SMPD3: variants seen among roughly 807,000 people sequenced by gnomAD.
The protein encoded by SMPD3 is sphingomyelin phosphodiesterase 3.
Under a neutral mutation model 55.7 loss-of-function variants are expected in SMPD3, and 21 were observed. That is an observed-to-expected ratio of 0.38 (90% CI 0.27 to 0.54). SMPD3 has a LOEUF of 0.54. Ranked by LOEUF, SMPD3 falls within the 20% of genes least tolerant of loss-of-function variation. The pLI is 0.80. For synonymous variants in SMPD3, 457 were observed against 404.3 expected, an observed-to-expected ratio of 1.13 and a Z score of -1.56; for missense variants, 842 against 899.6, an observed-to-expected ratio of 0.94 and a Z score of 0.82.
rs1343692956 is a variant in SMPD3 at position 68,404,406 on chromosome 16, G to C, written c.-268-17747C>G. Among the ~76,000 whole-genome samples the C allele has an allele frequency of 6.6e-6, 1 of 151,868 alleles. No individual in the cohort carries two copies. The highest frequency in any genetic ancestry group is 1.5e-5 in the Non-Finnish European group (1 of 67,942). On this transcript the variant is annotated intron_variant, in intron 1 of 8. Transcript: ENST00000219334. This position sits in a 1 kb window ranked among gnomAD's most constrained non-coding sequence, Gnocchi z 4.0. ...TGAGCCACCATGACAGGGTTTCATC[G>C]TGTTGCCCAGGCTGGTCCTGAACTC...
Position 68,444,835 on chromosome 16 carries a change from C to T in SMPD3, c.-269+3518G>A, listed in dbSNP as rs547113987. Among the ~76,000 whole-genome samples, 58 of 152,360 alleles carry T rather than the reference C, an allele frequency of 3.8e-4. 1 individual carries two copies. The highest frequency in any genetic ancestry group is 1.5e-5 in the Non-Finnish European group (1 of 68,038). On this transcript the variant is annotated intron_variant, in intron 1 of 8. Coordinates refer to ENST00000219334, the MANE Select transcript of SMPD3 (RefSeq NM_018667.4). ...CAGAATACAACACACCATATGCAGTCACCTTCCAAACAGGCAAGGAAGAGA... is the reference window on the plus strand; with the variant it reads ...CAGAATACAACACACCATATGCAGTTACCTTCCAAACAGGCAAGGAAGAGA...
chr16:68,406,730 T>C (rs2090257378), intron 1 of SMPD3, among the ~76,000 whole-genome samples: 1 of 152,228 alleles, frequency 6.6e-6, no homozygotes, highest in African/African-American at 2.4e-5. Flanking sequence ...TTATTGTTCA[T>C]TTTATTTGAG....
At chr16:68,374,533 C>T (rs536030899) in intron 2 of SMPD3, among the ~76,000 whole-genome samples, 21 of 152,360 alleles carry the variant, frequency 1.4e-4, no homozygotes, top group Middle Eastern at 6.8e-3. Context: ...TCTCACTCTG[C>T]GGCCAGTGCT....
At chr16:68,438,657 AC>A (rs1290196007) in intron 1 of SMPD3, among the ~76,000 whole-genome samples, 30 of 151,748 alleles carry the variant, frequency 2.0e-4, no homozygotes, top group African/African-American at 7.0e-4. Flanking sequence ...TGTCATTCCT[AC>A]CCCTGTTCAT....
chr16:68,365,897 A>T (rs2089464997), intron 3 of SMPD3, among the ~76,000 whole-genome samples: 1 of 152,094 alleles, frequency 6.6e-6, no homozygotes, highest in Admixed American at 6.5e-5. Flanking sequence ...GCCCTACCCC[A>T]GGTGGGGGCA....
chr16:68,378,118 C>T (rs927361082), intron 2 of SMPD3, among the ~76,000 whole-genome samples: 10 of 152,296 alleles, frequency 6.6e-5, no homozygotes, highest in African/African-American at 1.7e-4. Context: ...GAGTCCCTGC[C>T]GTGTCCACAA....
intron 1 of SMPD3, among the ~76,000 whole-genome samples, chr16:68,393,801 T>C (rs2090132679): frequency 6.6e-6 from 1 of 152,030 alleles, no homozygotes; most frequent in Non-Finnish European, 1.5e-5. Context: ...TTTAAAAAAG[T>C]ACAATTGTGC....
At chr16:68,364,968 AG>A in intron 4 of SMPD3, 48 bp downstream of exon 4, 1 of 1,613,884 alleles carries the variant, frequency 6.2e-7, no homozygotes, top group African/African-American at 1.3e-5. Context: ...GCTAGGCCCC[AG>A]GCACTGATCC....
chr16:68,370,772 A>G (rs1367820422), intron 3 of SMPD3, 87 bp downstream of exon 3: 1 of 1,533,644 alleles, frequency 6.5e-7, no homozygotes, highest in Non-Finnish European at 8.8e-7. Flanking sequence ...CCCCATGACG[A>G]TGAGGACTCC....
chr16:68,379,974 G>T (rs1047741621), intron 2 of SMPD3, among the ~76,000 whole-genome samples: 3 of 152,268 alleles, frequency 2.0e-5, no homozygotes, highest in Non-Finnish European at 4.4e-5. Flanking sequence ...GGACCCCTGG[G>T]TCCAGGCCCT....
In SMPD3 at chr16:68,360,861, C is replaced by T. The variant is rs987880203; in HGVS notation, c.*345G>A. ...TTGGCAGCAGACAAAAATAAAGAAC[C>T]CTGGACGAAGCTTAAGAGGAGATAC... On this transcript the variant is annotated 3_prime_UTR_variant, in exon 9 of 9. Coordinates refer to ENST00000219334, the MANE Select transcript of SMPD3 (RefSeq NM_018667.4). 4.1e-6 allele frequency: 1 copy of T among 245,222 alleles called. No homozygotes were observed. Among genetic ancestry groups the T allele is most frequent in the Non-Finnish European group, 7.9e-6 (1 of 125,880 alleles). 15.2% of individuals were successfully genotyped at this position (245,222 alleles called of 1,614,324 possible). A position where few individuals can be genotyped will look rare whatever the true frequency, so the allele number is the denominator to read the frequency against.
intron 1 of SMPD3, among the ~76,000 whole-genome samples, chr16:68,405,583 T>C (rs1042275363): frequency 1.6e-5 from 2 of 123,214 alleles, no homozygotes; most frequent in African/African-American, 6.1e-5. Flanking sequence ...GAAAAGAAAA[T>C]ACAAAAAGAG....
At chr16:68,442,809 C>T (rs181143116) in intron 1 of SMPD3, among the ~76,000 whole-genome samples, 2 of 152,324 alleles carry the variant, frequency 1.3e-5, no homozygotes, top group Admixed American at 6.5e-5. Flanking sequence ...ACAATCAAAT[C>T]TGTCTGCAGT....
At chr16:68,370,724 G>C (rs1387385039) in intron 3 of SMPD3, 135 bp downstream of exon 3, 2 of 1,186,552 alleles carry the variant, frequency 1.7e-6, no homozygotes, top group Non-Finnish European at 2.3e-6. Context: ...CTCCAGGAAA[G>C]ACCGCGTCTG....
chr16:68,384,334 T>C (rs1359859332), intron 2 of SMPD3, among the ~76,000 whole-genome samples: 3 of 152,186 alleles, frequency 2.0e-5, no homozygotes, highest in Admixed American at 2.0e-4. Context: ...AGTCCACCCA[T>C]GGCCCCTGGG....
At chr16:68,416,464 G>T (rs895488091) in intron 1 of SMPD3, among the ~76,000 whole-genome samples, 2 of 152,048 alleles carry the variant, frequency 1.3e-5, no homozygotes, top group African/African-American at 4.8e-5. Context: ...CTACCCTCCT[G>T]TCCAGAATGT....
At chr16:68,416,458 C>T (rs1439006598) in intron 1 of SMPD3, among the ~76,000 whole-genome samples, 1 of 152,220 alleles carries the variant, frequency 6.6e-6, no homozygotes, top group Admixed American at 6.5e-5. Context: ...TCCCTCCTAC[C>T]CTCCTGTCCA....
At chr16:68,423,974 G>C (rs2090416259) in intron 1 of SMPD3, among the ~76,000 whole-genome samples, 1 of 151,990 alleles carries the variant, frequency 6.6e-6, no homozygotes, top group African/African-American at 2.4e-5. Context: ...TCCACAGTGA[G>C]GGTGGACATG....
At chr16:68,387,091 G>A (rs923298718) in intron 1 of SMPD3, among the ~76,000 whole-genome samples, 8 of 152,182 alleles carry the variant, frequency 5.3e-5, no homozygotes, top group African/African-American at 1.9e-4. Context: ...AGCTTTGGGA[G>A]CTTTGTGCAA....
Sources: gnomAD v4.1 joint callset for allele counts (sites outside exome capture counted in the v4.1 genomes callset) on GRCh38, gnomAD v4.1.1 for gene constraint, Gnocchi (gnomAD v3.1) non-coding constraint, MANE v1.5 for transcripts, NCBI Gene and HGNC (gene_info 2026-07-23, HGNC 2026-07-21) for gene names.